HDAC9: variants seen among roughly 807,000 people sequenced by gnomAD.
HDAC9 encodes the protein MEF-2 interacting transcription repressor (MITR) protein.
Under a neutral mutation model 139.4 loss-of-function variants are expected in HDAC9, and 41 were observed. The ratio of observed to expected loss-of-function variants is 0.29; its 90% confidence interval spans 0.23 to 0.38. The LOEUF (loss-of-function observed/expected upper bound fraction) is 0.38. Ranked by LOEUF, HDAC9 falls within the 10% of genes least tolerant of loss-of-function variation. The pLI is 1.00. For synonymous variants in HDAC9, 517 were observed against 476.2 expected, an observed-to-expected ratio of 1.09 and a Z score of -1.12; for missense variants, 1,147 against 1,297.0, an observed-to-expected ratio of 0.88 and a Z score of 1.78.
intron 6 of HDAC9, among the ~76,000 whole-genome samples, chr7:18,603,325 G>T (rs1834494134): frequency 6.6e-6 from 1 of 151,890 alleles, no homozygotes; most frequent in African/African-American, 2.4e-5. Context: ...TTAATATCTA[G>T]AATGTTTGTA....
chr7:18,100,460 C>T (rs911972527), intron 1 of HDAC9, among the ~76,000 whole-genome samples: 6 of 151,988 alleles, frequency 3.9e-5, no homozygotes, highest in Non-Finnish European at 8.8e-5. Context: ...ATCACTGATG[C>T]TCTGTTTGTT....
intron 1 of HDAC9, among the ~76,000 whole-genome samples, chr7:18,158,979 T>C (rs1562689241): frequency 6.6e-6 from 1 of 152,218 alleles, no homozygotes; most frequent in Non-Finnish European, 1.5e-5. Context: ...ATGATCTTTT[T>C]GAAGCAAAGG....
chr7:18,367,144 A>T (rs1784246485), intron 1 of HDAC9, among the ~76,000 whole-genome samples: 1 of 152,122 alleles, frequency 6.6e-6, no homozygotes, highest in African/African-American at 2.4e-5. Context: ...AGGCACAGAT[A>T]AGTAAATAGA....
At chr7:18,537,655 T>C (rs1811337720) in intron 2 of HDAC9, among the ~76,000 whole-genome samples, 1 of 152,162 alleles carries the variant, frequency 6.6e-6, no homozygotes, top group African/African-American at 2.4e-5. Context: ...ACCTTAAGGT[T>C]CTAAGTCCTT....
At chr7:18,995,223 C>T (rs940595767) in intron 25 of HDAC9, among the ~76,000 whole-genome samples, 3 of 152,312 alleles carry the variant, frequency 2.0e-5, no homozygotes, top group East Asian at 1.9e-4. Context: ...AGAGCTCAGA[C>T]GCAAACTCAA....
chr7:18,721,792 A>G (rs1164251832), intron 12 of HDAC9, among the ~76,000 whole-genome samples: 2 of 152,228 alleles, frequency 1.3e-5, no homozygotes, highest in African/African-American at 2.4e-5. Flanking sequence ...AAACGGAACC[A>G]TGTAATTTCC....
At chr7:18,101,402 C>T (rs1782849750) in intron 1 of HDAC9, among the ~76,000 whole-genome samples, 1 of 152,188 alleles carries the variant, frequency 6.6e-6, no homozygotes, top group South Asian at 2.1e-4. Context: ...GCATTGTGTC[C>T]AGTGTCTTGA....
Position 18,371,744 on chromosome 7 carries a change from A to G in HDAC9, c.-42+81229A>G, listed in dbSNP as rs149088153. 2.7e-4 allele frequency among the ~76,000 whole-genome samples: 41 copies of G among 152,202 alleles called. No individual in the cohort carries two copies. In the East Asian group the frequency reaches 6.4e-3, roughly 24 times the overall value. ...TATGAGATCAAGGTTTTTTTCCTTC[A>G]TAGTTGTCTAAAATGATTAAGGACA... On this transcript the variant is annotated intron_variant, in intron 1 of 3. Coordinates refer to the HDAC9 transcript ENST00000413509.
intron 22 of HDAC9, among the ~76,000 whole-genome samples, chr7:18,920,178 AGT>A (rs1803569388): frequency 6.6e-6 from 1 of 152,108 alleles, no homozygotes; most frequent in Non-Finnish European, 1.5e-5. Flanking sequence ...TTCCTTGAAA[AGT>A]GGTTTGTAGT....
At chr7:18,096,136 G>A (rs1243178441) in intron 1 of HDAC9, among the ~76,000 whole-genome samples, 1 of 152,148 alleles carries the variant, frequency 6.6e-6, no homozygotes, top group Non-Finnish European at 1.5e-5. Context: ...AAATCTGTAA[G>A]CTGTATTCCA....
intron 1 of HDAC9, among the ~76,000 whole-genome samples, chr7:18,349,450 A>C (rs1034337257): frequency 1.3e-5 from 2 of 150,268 alleles, no homozygotes; most frequent in Non-Finnish European, 3.0e-5. Context: ...AGTTTTCTTT[A>C]TTTTTTCTTT....
At chr7:18,719,822 G>C (rs999027697) in intron 12 of HDAC9, among the ~76,000 whole-genome samples, 1 of 152,138 alleles carries the variant, frequency 6.6e-6, no homozygotes, top group Non-Finnish European at 1.5e-5. Flanking sequence ...ATTCCTTTGC[G>C]AAAATGCGAT....
At chr7:18,783,191 C>T (rs148663841) in intron 16 of HDAC9, among the ~76,000 whole-genome samples, 8 of 152,194 alleles carry the variant, frequency 5.3e-5, no homozygotes, top group African/African-American at 1.7e-4. Flanking sequence ...ATAGGTGTAA[C>T]TTATTAATAC....
chr7:18,578,287 G>C, intron 2 of HDAC9: 1 of 514,524 alleles, frequency 1.9e-6, no homozygotes, highest in Non-Finnish European at 3.9e-6. Context: ...AGGTGTTTTG[G>C]CCTGCTATTC....
intron 11 of HDAC9, among the ~76,000 whole-genome samples, chr7:18,664,405 T>C (rs541279923): frequency 7.2e-5 from 11 of 152,286 alleles, no homozygotes; most frequent in Non-Finnish European, 1.5e-4. Flanking sequence ...TTAGGTCTTA[T>C]ATGTGTTTTT....
At chr7:18,731,553 G>A (rs57233148) in intron 13 of HDAC9, among the ~76,000 whole-genome samples, 2,243 of 152,296 alleles carry the variant, frequency 0.015, 55 homozygotes, top group African/African-American at 0.045. Flanking sequence ...AGTTTAGTCA[G>A]TTTTGGAAAG....
chr7:18,281,973 T>C (rs996684341), intron 2 of HDAC9, among the ~76,000 whole-genome samples: 28 of 152,174 alleles, frequency 1.8e-4, no homozygotes, highest in Non-Finnish European at 3.5e-4. Flanking sequence ...TGAAACTAAG[T>C]ACACGTTTTA....
At chr7:18,511,726 G>C (rs1004434393) in intron 2 of HDAC9, among the ~76,000 whole-genome samples, 32 of 152,164 alleles carry the variant, frequency 2.1e-4, no homozygotes, top group Non-Finnish European at 3.7e-4. Flanking sequence ...ACAGGTAACA[G>C]AGATTATCTT....
At chr7:18,977,083 A>G (rs1321060882) in intron 25 of HDAC9, among the ~76,000 whole-genome samples, 1 of 152,240 alleles carries the variant, frequency 6.6e-6, no homozygotes, top group Non-Finnish European at 1.5e-5. Flanking sequence ...TTCTCTTACC[A>G]TAACCACTTA....
Sources: gnomAD v4.1 joint callset for allele counts (sites outside exome capture counted in the v4.1 genomes callset) on GRCh38, gnomAD v4.1.1 for gene constraint, MANE v1.5 for transcripts, NCBI Gene and HGNC (gene_info 2026-07-23, HGNC 2026-07-21) for gene names.